CSNK1G2: variants seen among roughly 807,000 people sequenced by gnomAD.
CSNK1G2 encodes the protein casein kinase I isoform gamma-2.
Under a neutral mutation model 48.0 loss-of-function variants are expected in CSNK1G2, and 11 were observed. That is an observed-to-expected ratio of 0.23 (90% CI 0.14 to 0.38). The LOEUF (loss-of-function observed/expected upper bound fraction) is 0.38. CSNK1G2 is among the 10% of genes least tolerant of loss of function. CSNK1G2 has a pLI of 1.00. For synonymous variants in CSNK1G2, 337 were observed against 254.1 expected (o/e 1.33, Z -3.10); for missense variants, 446 against 595.5 (o/e 0.75, Z 2.61).
chr19:1,967,402 C>T (rs1036727587), intron 1 of CSNK1G2, among the ~76,000 whole-genome samples: 4 of 152,196 alleles, frequency 2.6e-5, no homozygotes, highest in Admixed American at 6.5e-5. Flanking sequence ...CAGCAGCAAA[C>T]TGTGGTCCCC....
At chr19:1,941,534 C>T (rs1038793258) in intron 1 of CSNK1G2, 116 bp downstream of exon 1, 9 of 144,462 alleles carry the variant, frequency 6.2e-5, no homozygotes, top group African/African-American at 2.0e-4. Context: ...CCTCCTGCGC[C>T]CTGCCGACCC....
chr19:1,975,001 G>A, intron 2 of CSNK1G2: 1 of 937,202 alleles, frequency 1.1e-6, no homozygotes, highest in South Asian at 4.9e-5. Flanking sequence ...CCAGGAGTCT[G>A]CAGATCCACA....
At chr19:1,965,330 C>A (rs1190437820) in intron 1 of CSNK1G2, among the ~76,000 whole-genome samples, 1 of 150,106 alleles carries the variant, frequency 6.7e-6, no homozygotes, top group Admixed American at 6.6e-5. Flanking sequence ...TTGCAGTGAG[C>A]CGAGATTGTG....
intron 2 of CSNK1G2, chr19:1,976,003 C>G: frequency 8.3e-7 from 1 of 1,202,196 alleles, no homozygotes; most frequent in South Asian, 1.3e-5. Flanking sequence ...CCAGTGCACT[C>G]CAGCCTGGGC....
At chr19:1,966,989 G>A (rs2015384170) in intron 1 of CSNK1G2, among the ~76,000 whole-genome samples, 1 of 152,226 alleles carries the variant, frequency 6.6e-6, no homozygotes, top group Admixed American at 6.5e-5. Flanking sequence ...TCCCGCCTCA[G>A]TCTCCCGAGT....
intron 1 of CSNK1G2, among the ~76,000 whole-genome samples, chr19:1,950,315 A>G (rs939931503): frequency 6.8e-6 from 1 of 147,994 alleles, no homozygotes; most frequent in Non-Finnish European, 1.5e-5. Flanking sequence ...AATTGTTTGT[A>G]TTTTTAGTAG....
At chr19:1,964,696 T>C (rs547661572) in intron 1 of CSNK1G2, among the ~76,000 whole-genome samples, 36 of 151,990 alleles carry the variant, frequency 2.4e-4, no homozygotes, top group African/African-American at 8.0e-4. Context: ...AGCCCACTTT[T>C]GAGACCTATT....
At chr19:1,967,291 A>G (rs759297761) in intron 1 of CSNK1G2, among the ~76,000 whole-genome samples, 4 of 152,130 alleles carry the variant, frequency 2.6e-5, no homozygotes, top group African/African-American at 4.8e-5. Context: ...TTCCTGTCCT[A>G]ACATTTTCGG....
rs1568208889 is a variant in CSNK1G2, at chr19:1,980,300, C to G, written c.*97C>G. 1 of 1,464,938 alleles carries G rather than the reference C, an allele frequency of 6.8e-7. No homozygotes were observed. Among genetic ancestry groups the G allele is most frequent in the Non-Finnish European group, 9.5e-7 (1 of 1,055,108 alleles). 90.7% of individuals were successfully genotyped at this position (1,464,938 alleles called of 1,614,324 possible). A position where few individuals can be genotyped will look rare whatever the true frequency, so the allele number is the denominator to read the frequency against. On this transcript the variant is annotated 3_prime_UTR_variant, in exon 12 of 12. Coordinates refer to ENST00000255641, the MANE Select transcript of CSNK1G2 (RefSeq NM_001319.7). ...GGGGCCCACCCACAGCGGCCCAGGG[C>G]CAGACCCTGGCTGGAAGCCAGAACG...
At chr19:1,955,142 G>C (rs1017737379) in intron 1 of CSNK1G2, among the ~76,000 whole-genome samples, 1 of 152,292 alleles carries the variant, frequency 6.6e-6, no homozygotes, top group African/African-American at 2.4e-5. Context: ...CCCTGACCGA[G>C]TGGTGACCGC....
chr19:1,973,432 A>G (rs2015644940), intron 2 of CSNK1G2, among the ~76,000 whole-genome samples: 1 of 134,612 alleles, frequency 7.4e-6, no homozygotes, highest in South Asian at 2.3e-4. Flanking sequence ...ATGTTGGCAA[A>G]CTCCTGACCT....
chr19:1,978,896 T>G lies in CSNK1G2; in HGVS notation c.485T>G (p.Ile162Ser), dbSNP rs1243557326. Residue 162 changes from isoleucine to serine, a missense_variant, in exon 6 of 12, where the codon ATC becomes AGC. Physicochemically the swap from Ile to Ser is moderately radical, Grantham distance 142. Coordinates refer to ENST00000255641, the MANE Select transcript of CSNK1G2 (RefSeq NM_001319.7). This position sits in a 1 kb window ranked among gnomAD's most constrained non-coding sequence, Gnocchi z 7.3. The stretch of plus-strand genomic sequence containing the variant: ...GAGTATGTGCACACCAAGAGCCTAA[T>G]CTACCGGGACGTGAAGCCCGAGAAC... ...RMEYVHTKSL[I>S]YRDVKPENFL... 6.2e-7 allele frequency: 1 copy of G among 1,603,044 alleles called. No homozygotes were observed. Among genetic ancestry groups the G allele is most frequent in the Non-Finnish European group, 8.5e-7 (1 of 1,179,550 alleles).
chr19:1,945,380 A>G (rs112598838), intron 1 of CSNK1G2, among the ~76,000 whole-genome samples: 35 of 152,242 alleles, frequency 2.3e-4, no homozygotes, highest in African/African-American at 7.7e-4. Context: ...AGAGCCCCCA[A>G]CGTGTCCCCT....
chr19:1,958,026 G>A lies in CSNK1G2; in HGVS notation c.-265-11482G>A, dbSNP rs1216959446. The stretch of plus-strand genomic sequence containing the variant: ...TTGTCCGGAAGCCGGGTGTTGGGAC[G>A]CGTCCTGACGACGGCACTGCCCACA... On this transcript the variant is annotated intron_variant, in intron 1 of 11. Coordinates refer to ENST00000255641, the MANE Select transcript of CSNK1G2 (RefSeq NM_001319.7). 4.6e-5 allele frequency among the ~76,000 whole-genome samples: 7 copies of A among 152,232 alleles called. No individual in the cohort carries two copies. In the East Asian group the frequency reaches 1.2e-3, roughly 25 times the overall value.
chr19:1,963,794 C>T (rs1167441633), intron 1 of CSNK1G2, among the ~76,000 whole-genome samples: 7 of 150,120 alleles, frequency 4.7e-5, no homozygotes, highest in Non-Finnish European at 8.9e-5. Context: ...AGGTGTGAAC[C>T]ACTGCGCCCA....
chr19:1,963,022 C>T (rs1170489434), intron 1 of CSNK1G2, among the ~76,000 whole-genome samples: 5 of 152,088 alleles, frequency 3.3e-5, no homozygotes, highest in South Asian at 2.1e-4. Flanking sequence ...CAGGCCACGG[C>T]GTGGACGCAC....
chr19:1,974,229 G>A lies in CSNK1G2; in HGVS notation c.188-4076G>A, dbSNP rs191137595. On this transcript the variant is annotated intron_variant, in intron 2 of 11. Transcript: ENST00000255641. ...ATGAACAGAAATTGATGGGCTCACC[G>A]TTCTGGAGGCTGGTGAGCCCCAGAT... Among the ~76,000 whole-genome samples the A allele has an allele frequency of 9.9e-5, 15 of 152,252 alleles. 2 individuals carry two copies. The highest frequency in any genetic ancestry group is 9.2e-4 in the Admixed American group (14 of 15,276).
chr19:1,969,873 G>A lies in CSNK1G2; in HGVS notation c.101G>A (p.Gly34Glu). ...AGCAGCCACGGCATCCGGAGCTCGG[G>A]GACCAGCTCGGGGGTCCTGATGGTG... ...GRSSHGIRSS[G>E]TSSGVLMVGP... The change falls in exon 2 of 12, where the codon GGG becomes GAG. Residue 34 changes from glycine (G) to glutamate (E), a missense_variant. Around this residue, in one of 2 missense-constraint regions of CSNK1G2, gnomAD observed 258 missense variants for 415.9 expected, o/e 0.62. Transcript: ENST00000255641. The A allele has an allele frequency of 7.6e-7, 1 of 1,312,072 alleles. No homozygotes were observed. Among genetic ancestry groups the A allele is most frequent in the Non-Finnish European group, 9.8e-7 (1 of 1,021,714 alleles). The allele number at this position is 1,312,072 out of a possible 1,614,324, so 81.3% of individuals were successfully genotyped here.
rs2015536869 is a variant in CSNK1G2, at chr19:1,970,660, A to C, written c.187+701A>C. Reference sequence around the variant, plus strand: ...TTCCCAGTCTGTGATTAGCTGGGCCAGGGAGCTGAATCATCCCCGGAAATG... The same window carrying C: ...TTCCCAGTCTGTGATTAGCTGGGCCCGGGAGCTGAATCATCCCCGGAAATG... On this transcript the variant is annotated intron_variant, in intron 2 of 11. Coordinates refer to ENST00000255641, the MANE Select transcript of CSNK1G2 (RefSeq NM_001319.7). Among the ~76,000 whole-genome samples the C allele has an allele frequency of 2.0e-5, 3 of 152,186 alleles. No homozygotes were observed. The South Asian group carries it at 6.2e-4, about 31-fold the overall frequency.
Sources: allele counts gnomAD v4.1 joint callset (sites outside exome capture counted in the v4.1 genomes callset), GRCh38; gene constraint gnomAD v4.1.1; regional missense constraint gnomAD v4.1.1; non-coding constraint Gnocchi (gnomAD v3.1); transcripts MANE v1.5; gene names NCBI Gene and HGNC (gene_info 2026-07-23, HGNC 2026-07-21).